The following PDGFRA variants were observed in gnomAD, a reference collection of about 807,000 sequenced individuals.
PDGFRA encodes the protein platelet derived growth factor receptor alpha.
Under a neutral mutation model 121.5 loss-of-function variants are expected in PDGFRA, and 25 were observed. That is an observed-to-expected ratio of 0.21 (90% CI 0.15 to 0.29). The LOEUF is 0.29. PDGFRA is among the 10% of genes least tolerant of loss of function. The pLI is 1.00. For synonymous variants in PDGFRA, 463 were observed against 494.8 expected, an observed-to-expected ratio of 0.94 and a Z score of 0.85; for missense variants, 1,008 against 1,345.1, an observed-to-expected ratio of 0.75 and a Z score of 3.92.
At chr4:54,255,228 G>T (rs1722295336) in intron 1 of PDGFRA, among the ~76,000 whole-genome samples, 1 of 152,092 alleles carries the variant, frequency 6.6e-6, no homozygotes, top group African/African-American at 2.4e-5. Flanking sequence ...GCAAACTTTG[G>T]CTTAGTAAAT....
intron 22 of PDGFRA, among the ~76,000 whole-genome samples, 175 bp downstream of exon 22, chr4:54,290,729 T>TGGG (rs1724588692): frequency 6.6e-6 from 1 of 152,214 alleles, no homozygotes. Flanking sequence ...CAGATGATTC[T>TGGG]AATATGTTCC....
At chr4:54,292,965 C>T (rs1724702036) in intron 22 of PDGFRA, among the ~76,000 whole-genome samples, 3 of 152,260 alleles carry the variant, frequency 2.0e-5, no homozygotes, top group South Asian at 2.1e-4. Context: ...ATAATCTGTA[C>T]ATCAAACCGC....
intron 1 of PDGFRA, among the ~76,000 whole-genome samples, chr4:54,240,793 C>G (rs145994280): frequency 5.2e-4 from 79 of 152,268 alleles, no homozygotes; most frequent in African/African-American, 1.9e-3. Context: ...TAAGTTTGGC[C>G]ATTTGGATAA....
intron 1 of PDGFRA, among the ~76,000 whole-genome samples, chr4:54,251,473 C>T (rs1722052872): frequency 1.3e-5 from 2 of 152,102 alleles, no homozygotes; most frequent in Non-Finnish European, 2.9e-5. Flanking sequence ...TGCCTAAGTG[C>T]AGTAAGAATC....
At position 54,274,604 on chromosome 4, in the gene PDGFRA, C is replaced by G. The variant is rs748519030; in HGVS notation, c.1632C>G (p.Val544=). The change falls in exon 11 of 23, where the codon GTC becomes GTG. Residue 544 remains valine (V), a synonymous_variant. Transcript: ENST00000257290. The part of the protein sequence containing the change: ...LLVIVIISLI[V]LVVIWKQKPR... ...TGATTGTGATCATCTCACTTATTGT[C>G]CTGGTTGTCATTTGGAAACAGGTAG... The G allele has an allele frequency of 1.9e-6, 3 of 1,613,158 alleles. No homozygotes were observed. The highest frequency in any genetic ancestry group is 2.5e-6 in the Non-Finnish European group (3 of 1,179,108).
At chr4:54,276,203 A>G (rs2110304227) in intron 12 of PDGFRA, among the ~76,000 whole-genome samples, 1 of 152,136 alleles carries the variant, frequency 6.6e-6, no homozygotes, top group Admixed American at 6.6e-5. Flanking sequence ...GACCCAACCA[A>G]TCAGCACTCC....
chr4:54,287,234 A>C (rs555216531), intron 18 of PDGFRA, among the ~76,000 whole-genome samples, 196 bp from the exon 19 acceptor site: 2 of 152,230 alleles, frequency 1.3e-5, no homozygotes, highest in Non-Finnish European at 2.9e-5. Flanking sequence ...TCATTCATCT[A>C]GTATTTATTG....
At chr4:54,284,013 A>C (rs1724193594) in intron 16 of PDGFRA, among the ~76,000 whole-genome samples, 1 of 152,188 alleles carries the variant, frequency 6.6e-6, no homozygotes, top group African/African-American at 2.4e-5. Context: ...TGCTGCTTAG[A>C]AATTTCTTCC....
At chr4:54,278,245 A>C in intron 14 of PDGFRA, 117 bp from the exon 15 acceptor site, 1 of 536,276 alleles carries the variant, frequency 1.9e-6, no homozygotes, top group Admixed American at 3.9e-5. Context: ...AAAAAAAAAA[A>C]AAAAAAAACT....
At chr4:54,233,151 T>C (rs1380533231) in intron 1 of PDGFRA, among the ~76,000 whole-genome samples, 1 of 151,548 alleles carries the variant, frequency 6.6e-6, no homozygotes, top group Non-Finnish European at 1.5e-5. Flanking sequence ...CAGCGGCCTC[T>C]GCAGCTCTGA....
intron 1 of PDGFRA, among the ~76,000 whole-genome samples, chr4:54,235,310 G>A (rs991570886): frequency 2.0e-5 from 3 of 152,226 alleles, no homozygotes; most frequent in Non-Finnish European, 2.9e-5. Flanking sequence ...TCTGCAATGG[G>A]ATGCACTGTG....
At chr4:54,286,302 C>T (rs1376103110) in intron 18 of PDGFRA, among the ~76,000 whole-genome samples, 1 of 151,760 alleles carries the variant, frequency 6.6e-6, no homozygotes, top group African/African-American at 2.4e-5. Context: ...AGAAACAGCA[C>T]TCAATAATGT....
intron 1 of PDGFRA, among the ~76,000 whole-genome samples, chr4:54,236,788 G>A (rs889836168): frequency 6.6e-6 from 1 of 151,776 alleles, no homozygotes; most frequent in African/African-American, 2.4e-5. Flanking sequence ...AGGCGGCAGT[G>A]CAAGACTCCA....
chr4:54,277,516 T>G, intron 13 of PDGFRA, 24 bp downstream of exon 13: 1 of 1,508,532 alleles, frequency 6.6e-7, no homozygotes, highest in South Asian at 1.1e-5. Flanking sequence ...CCTGGGGATT[T>G]TTTGAGCACG....
chr4:54,264,019 T>A, intron 4 of PDGFRA, 92 bp downstream of exon 4: 1 of 1,073,380 alleles, frequency 9.3e-7, no homozygotes, highest in Admixed American at 2.1e-5. Context: ...TAAATCATCA[T>A]CACTGGTGAT....
chr4:54,252,673 T>G (rs1332517767), intron 1 of PDGFRA, among the ~76,000 whole-genome samples: 1 of 152,250 alleles, frequency 6.6e-6, no homozygotes, highest in Non-Finnish European at 1.5e-5. Flanking sequence ...AATCTGAATC[T>G]TGAAGTCACC....
intron 1 of PDGFRA, among the ~76,000 whole-genome samples, chr4:54,232,548 G>T (rs905415764): frequency 1.3e-5 from 2 of 152,222 alleles, no homozygotes; most frequent in Non-Finnish European, 1.5e-5. Context: ...GGGCAGAGGC[G>T]GCTATGGCGC....
Position 54,250,291 on chromosome 4 carries a change from G to C in PDGFRA, c.-12-8466G>C, listed in dbSNP as rs145032230. 2.8e-3 allele frequency among the ~76,000 whole-genome samples: 419 copies of C among 152,216 alleles called. 1 individual carries two copies. Among genetic ancestry groups the C allele is most frequent in the Non-Finnish European group, 3.8e-3 (261 of 67,990 alleles). On this transcript the variant is annotated intron_variant, in intron 1 of 22. Transcript: ENST00000257290. ...GGGATTCTATTTTGTAATATCAACTGTTTAAACCTTTTGTATTTGACAAAC... is the reference window on the plus strand; with the variant it reads ...GGGATTCTATTTTGTAATATCAACTCTTTAAACCTTTTGTATTTGACAAAC...
chr4:54,260,380 A>G (rs1352641147), intron 2 of PDGFRA, among the ~76,000 whole-genome samples: 1 of 131,764 alleles, frequency 7.6e-6, no homozygotes, highest in Non-Finnish European at 1.6e-5. Flanking sequence ...CCTTGCCTCC[A>G]TTCTTATTCC....
Sources: allele counts gnomAD v4.1 joint callset (sites outside exome capture counted in the v4.1 genomes callset), GRCh38; gene constraint gnomAD v4.1.1; transcripts MANE v1.5; gene names NCBI Gene and HGNC (gene_info 2026-07-23, HGNC 2026-07-21).